The following VWF variants were observed in gnomAD, a reference collection of about 807,000 sequenced individuals.
VWF encodes Factor VIII related antigen.
A neutral mutation model predicts 308.6 loss-of-function variants in VWF; 176 were observed. The ratio of observed to expected loss-of-function variants is 0.57; its 90% CI spans 0.50 to 0.65. VWF has a LOEUF of 0.65. Among genes scored for constraint, VWF ranks in the 30% least tolerant of loss-of-function variants. The probability of loss-of-function intolerance (pLI) is 0.00; values close to 1 mark genes in which losing one functional copy is unlikely to be tolerated. For synonymous variants in VWF, 1,385 were observed against 1,443.4 expected, an observed-to-expected ratio of 0.96 and a Z score of 0.92; for missense variants, 3,146 against 3,648.2, an observed-to-expected ratio of 0.86 and a Z score of 3.55.
chr12:6,032,415 G>A lies in VWF; in HGVS notation c.2686-837C>T, dbSNP rs572650212. Among the ~76,000 whole-genome samples the A allele has an allele frequency of 3.1e-3, 478 of 151,784 alleles. 27 individuals are homozygous for A. Among genetic ancestry groups the A allele is most frequent in the African/African-American group, 0.011 (452 of 41,398 alleles). On this transcript the variant is annotated intron_variant, in intron 20 of 51. Coordinates refer to ENST00000261405, the MANE Select transcript of VWF (RefSeq NM_000552.5). ...AGCACTTTGGGAGGCTGAGGCGGGC[G>A]GATCACGAGGTCAGGAGATCGAGAC...
intron 3 of VWF, among the ~76,000 whole-genome samples, chr12:6,113,367 G>T (rs1043557086): frequency 6.7e-6 from 1 of 150,002 alleles, no homozygotes; most frequent in African/African-American, 2.5e-5. Flanking sequence ...GCGCGATCTC[G>T]GCTCACTGCA....
At position 6,023,774 on chromosome 12, in the gene VWF, G is replaced by A. The variant is rs1334197148; in HGVS notation, c.3236C>T (p.Pro1079Leu). 7 of 1,612,386 alleles carry A rather than the reference G, an allele frequency of 4.3e-6. No homozygotes were observed. The East Asian group carries it at 6.7e-5, about 15-fold the overall frequency. Residue 1079 changes from proline (P) to leucine (L), a missense_variant, in exon 25 of 52, where the codon CCA (proline) becomes CTA (leucine). Pro to Leu is a moderately conservative substitution (Grantham distance 98). This residue lies in a region of VWF where 853 missense variants were observed against 1,177.8 expected (regional missense o/e 0.72). Transcript: ENST00000261405. ...GTCGTAAATGCAGACATCCAGATAT[G>A]GCTCGGGGTCCACCTGCAAAGGCAG... ...QDCNKLVDPEPYLDVCIYDTC... is the reference protein window; with the variant it reads ...QDCNKLVDPELYLDVCIYDTC...
intron 5 of VWF, among the ~76,000 whole-genome samples, chr12:6,103,458 G>GTA (rs1208030829): frequency 1.3e-5 from 1 of 76,430 alleles, no homozygotes; most frequent in African/African-American, 5.6e-5. Context: ...ACATATATGT[G>GTA]TATATACACA....
At chr12:5,971,004 G>A (rs2136357892) in intron 44 of VWF, among the ~76,000 whole-genome samples, 1 of 152,340 alleles carries the variant, frequency 6.6e-6, no homozygotes, top group East Asian at 1.9e-4. Context: ...GCAGCACATG[G>A]GGGACAGCTG....
chr12:6,032,500 T>C (rs993087581), intron 20 of VWF, among the ~76,000 whole-genome samples: 4 of 140,540 alleles, frequency 2.8e-5, no homozygotes, highest in Non-Finnish European at 6.3e-5. Context: ...TAGCCGGGCG[T>C]GGTGGCGGGC....
intron 17 of VWF, among the ~76,000 whole-genome samples, chr12:6,045,711 C>G (rs1256586460): frequency 6.6e-6 from 1 of 152,152 alleles, no homozygotes; most frequent in Admixed American, 6.5e-5. Flanking sequence ...AGAACTGGGT[C>G]CCTTGGACAG....
chr12:6,044,226 C>T (rs1430919138), intron 18 of VWF, 65 bp downstream of exon 18: 2 of 1,599,758 alleles, frequency 1.3e-6, no homozygotes, highest in African/African-American at 2.7e-5. Context: ...TGCACAGCCC[C>T]CTCACTCATC....
At chr12:5,996,732 G>A (rs1943812056) in intron 34 of VWF, among the ~76,000 whole-genome samples, 2 of 138,556 alleles carry the variant, frequency 1.4e-5, no homozygotes, top group South Asian at 4.6e-4. Context: ...GATCGCACAG[G>A]AGAAATATTT....
At position 5,994,107 on chromosome 12, in the gene VWF, C is replaced by T. The variant is rs375779188; in HGVS notation, c.6353G>A (p.Arg2118Gln). The T allele has an allele frequency of 5.0e-5, 80 of 1,614,046 alleles. No individual in the cohort carries two copies. The highest frequency in any genetic ancestry group is 9.3e-5 in the African/African-American group (7 of 74,902). ...GATGGGCTGGCACGTCTGCCCTGGC[C>T]GCTGCACAGTCCATTCCTGAACAAG... Reference protein sequence around the residue: ...KTLVQEWTVQRPGQTCQPILE... With the variant: ...KTLVQEWTVQQPGQTCQPILE... Residue 2118 changes from arginine to glutamine, a missense_variant, in exon 37 of 52, where the codon CGG becomes CAG. Transcript: ENST00000261405.
chr12:6,122,490 C>T (rs983919886), intron 2 of VWF, among the ~76,000 whole-genome samples: 2 of 152,150 alleles, frequency 1.3e-5, no homozygotes, highest in African/African-American at 4.8e-5. Flanking sequence ...GGTTCCCCGG[C>T]AAAAGACCCA....
chr12:6,110,015 A>C (rs1945288697), intron 5 of VWF, among the ~76,000 whole-genome samples: 1 of 152,122 alleles, frequency 6.6e-6, no homozygotes, highest in Non-Finnish European at 1.5e-5. Context: ...CACACACATA[A>C]ACTGGCCTTT....
chr12:6,122,396 G>A (rs552101873), intron 2 of VWF, among the ~76,000 whole-genome samples: 6 of 152,194 alleles, frequency 3.9e-5, no homozygotes, highest in Admixed American at 6.5e-5. Flanking sequence ...CTCCTCCGGC[G>A]TCACAGGCTA....
At chr12:6,103,144 C>T (rs192257877) in intron 5 of VWF, among the ~76,000 whole-genome samples, 14 of 152,006 alleles carry the variant, frequency 9.2e-5, no homozygotes, top group Non-Finnish European at 1.9e-4. Flanking sequence ...CTGGCTAACA[C>T]GGTGAAACCC....
At chr12:5,994,323 G>A in intron 36 of VWF, 92 bp downstream of exon 36, 2 of 1,593,764 alleles carry the variant, frequency 1.3e-6, no homozygotes, top group South Asian at 1.1e-5. Flanking sequence ...ACTAGACCCT[G>A]AAATATAAGC....
intron 19 of VWF, among the ~76,000 whole-genome samples, chr12:6,035,961 T>A (rs373473740): frequency 4.6e-5 from 7 of 152,200 alleles, no homozygotes; most frequent in African/African-American, 1.7e-4. Context: ...AAATACTAAA[T>A]ACACATTAAA....
intron 39 of VWF, 112 bp downstream of exon 39, chr12:5,985,451 T>C: frequency 8.3e-7 from 1 of 1,209,034 alleles, no homozygotes; most frequent in South Asian, 1.3e-5. Flanking sequence ...ACTCTAGGAC[T>C]CTAGGTGCCA....
intron 18 of VWF, among the ~76,000 whole-genome samples, chr12:6,039,468 A>G (rs971466911): frequency 6.6e-6 from 1 of 152,118 alleles, no homozygotes; most frequent in African/African-American, 2.4e-5. Context: ...CCCCATCAGT[A>G]CTTTCAGGCC....
intron 6 of VWF, among the ~76,000 whole-genome samples, chr12:6,091,849 C>G (rs1945038050): frequency 6.6e-6 from 1 of 152,222 alleles, no homozygotes; most frequent in Admixed American, 6.5e-5. Flanking sequence ...GGGAGCCAGG[C>G]AGGGCATGAG....
rs2229443 is a variant in VWF, at chr12:6,121,280, G to A, written c.114C>T (p.Phe38=). The change falls in exon 3 of 52, where the codon TTC becomes TTT. Residue 38 remains phenylalanine, a synonymous_variant. Transcript: ENST00000261405. ...GRSSTARCSL[F]GSDFVNTFDG... ...CAAAGGTGTTGACGAAGTCACTTCCGAAAAGGCTGCATCGGGCCGTGGATG... is the reference window on the plus strand; with the variant it reads ...CAAAGGTGTTGACGAAGTCACTTCCAAAAAGGCTGCATCGGGCCGTGGATG... 3.7e-3 allele frequency: 5,960 copies of A among 1,614,186 alleles called. 21 individuals carry two copies. Among genetic ancestry groups the A allele is most frequent in the Non-Finnish European group, 4.8e-3 (5,669 of 1,180,026 alleles).
Sources: gnomAD v4.1 joint callset for allele counts (sites outside exome capture counted in the v4.1 genomes callset) on GRCh38, gnomAD v4.1.1 for gene constraint, gnomAD v4.1.1 regional missense constraint, MANE v1.5 for transcripts, NCBI Gene and HGNC (gene_info 2026-07-23, HGNC 2026-07-21) for gene names.